Variants in AKAP6 observed in about 807,000 individuals in gnomAD.
The protein encoded by AKAP6 is A-kinase anchoring protein 6.
AKAP6 carries 58 observed loss-of-function variants against 188.5 expected under a neutral mutation model. The ratio of observed to expected loss-of-function variants is 0.31; its 90% CI spans 0.25 to 0.38. The LOEUF is 0.38. Ranked by LOEUF, AKAP6 falls within the 10% of genes least tolerant of loss-of-function variation. The pLI, the probability that AKAP6 is intolerant of heterozygous loss-of-function variation, is 1.00. For synonymous variants in AKAP6, 989 were observed against 998.6 expected, an observed-to-expected ratio of 0.99 and a Z score of 0.18; for missense variants, 2,710 against 2,740.0, an observed-to-expected ratio of 0.99 and a Z score of 0.24.
chr14:32,594,897 T>G (rs747677910), intron 5 of AKAP6, among the ~76,000 whole-genome samples: 85 of 152,220 alleles, frequency 5.6e-4, no homozygotes, highest in Non-Finnish European at 1.1e-3. Context: ...CAGTTCAATA[T>G]GTCTTTCACA....
chr14:32,423,526 C>G (rs117525644), intron 1 of AKAP6, among the ~76,000 whole-genome samples: 2,936 of 152,182 alleles, frequency 0.019, 38 homozygotes, highest in East Asian at 0.084. Flanking sequence ...TTATTAACAC[C>G]TGGTAAATGC....
intron 4 of AKAP6, among the ~76,000 whole-genome samples, chr14:32,552,289 G>T (rs961896800): frequency 1.3e-5 from 2 of 152,150 alleles, no homozygotes; most frequent in African/African-American, 4.8e-5. Context: ...ATAAAGACTT[G>T]GGAATAGATG....
At chr14:32,624,168 T>A (rs952050325) in intron 7 of AKAP6, among the ~76,000 whole-genome samples, 1 of 152,116 alleles carries the variant, frequency 6.6e-6, no homozygotes, top group Non-Finnish European at 1.5e-5. Flanking sequence ...AGTCTTTGGA[T>A]TTTTGAGTCA....
intron 9 of AKAP6, among the ~76,000 whole-genome samples, chr14:32,729,292 A>C (rs1280028647): frequency 2.0e-5 from 3 of 151,684 alleles, no homozygotes; most frequent in Non-Finnish European, 4.4e-5. Context: ...AAGGAGGGGG[A>C]CTTCGGTGTG....
At chr14:32,522,762 C>T (rs34118557) in intron 2 of AKAP6, among the ~76,000 whole-genome samples, 3,352 of 152,212 alleles carry the variant, frequency 0.022, 67 homozygotes, top group Admixed American at 0.044. Context: ...CTAGTTCAAC[C>T]GTTGTGGAAG....
intron 7 of AKAP6, among the ~76,000 whole-genome samples, chr14:32,654,989 C>T (rs1888397093): frequency 6.6e-6 from 1 of 152,086 alleles, no homozygotes; most frequent in Non-Finnish European, 1.5e-5. Context: ...GTTTATTACA[C>T]AATTTTTGGG....
intron 7 of AKAP6, among the ~76,000 whole-genome samples, chr14:32,624,207 G>A (rs1886924013): frequency 6.6e-6 from 1 of 152,156 alleles, no homozygotes; most frequent in Non-Finnish European, 1.5e-5. Flanking sequence ...GAGAGTATTA[G>A]AAGATACTTG....
At chr14:32,724,349 C>T (rs2030731549) in intron 9 of AKAP6, among the ~76,000 whole-genome samples, 1 of 152,188 alleles carries the variant, frequency 6.6e-6, no homozygotes, top group South Asian at 2.1e-4. Context: ...TTCAGTAAAA[C>T]TCTCCGTGCT....
chr14:32,493,422 G>A (rs1276259178), intron 2 of AKAP6, among the ~76,000 whole-genome samples: 3 of 151,878 alleles, frequency 2.0e-5, no homozygotes, highest in African/African-American at 7.3e-5. Context: ...TATTGCTTAG[G>A]GTGGTTTTGT....
intron 8 of AKAP6, among the ~76,000 whole-genome samples, chr14:32,685,724 CAAAAAAAAAA>C (rs71115091): frequency 7.0e-5 from 6 of 86,234 alleles, no homozygotes; most frequent in Non-Finnish European, 4.7e-5. Flanking sequence ...GACTCCATCT[CAAAAAAAAAA>C]AAAAAAAAAA....
intron 2 of AKAP6, among the ~76,000 whole-genome samples, chr14:32,505,422 C>T (rs1412526569): frequency 6.6e-6 from 1 of 150,378 alleles, no homozygotes; most frequent in African/African-American, 2.4e-5. Flanking sequence ...AAGAGGATGA[C>T]AAAAAAAACT....
chr14:32,560,731 T>G (rs1883921048), intron 4 of AKAP6, among the ~76,000 whole-genome samples: 1 of 152,214 alleles, frequency 6.6e-6, no homozygotes, highest in African/African-American at 2.4e-5. Flanking sequence ...TTTTTTAGCG[T>G]TGCATTTTTA....
At chr14:32,790,598 CTTAA>C (rs1008706270) in intron 12 of AKAP6, among the ~76,000 whole-genome samples, 2 of 152,064 alleles carry the variant, frequency 1.3e-5, no homozygotes, top group African/African-American at 2.4e-5. Context: ...ATTTTCTTTT[CTTAA>C]TTAATTTATT....
At chr14:32,367,502 A>G (rs1255441011) in intron 1 of AKAP6, among the ~76,000 whole-genome samples, 1 of 152,008 alleles carries the variant, frequency 6.6e-6, no homozygotes, top group Admixed American at 6.6e-5. Context: ...AAGTGAATAG[A>G]TTTTTCTTTT....
At chr14:32,774,477 T>C (rs920061351) in intron 12 of AKAP6, among the ~76,000 whole-genome samples, 2 of 152,184 alleles carry the variant, frequency 1.3e-5, no homozygotes, top group African/African-American at 4.8e-5. Context: ...CTCTTAGAGT[T>C]TTAATGCAGT....
chr14:32,810,788 C>T (rs1245740538), intron 12 of AKAP6, among the ~76,000 whole-genome samples: 1 of 151,964 alleles, frequency 6.6e-6, no homozygotes, highest in Non-Finnish European at 1.5e-5. Context: ...AGCACAGATA[C>T]GTTAAATGAA....
At chr14:32,382,754 C>T (rs893963267) in intron 1 of AKAP6, among the ~76,000 whole-genome samples, 2 of 151,950 alleles carry the variant, frequency 1.3e-5, no homozygotes, top group African/African-American at 2.4e-5. Flanking sequence ...GAAGTGTATA[C>T]CAGCTTTGTT....
intron 2 of AKAP6, among the ~76,000 whole-genome samples, chr14:32,476,305 G>A (rs1302360732): frequency 6.6e-6 from 1 of 152,134 alleles, no homozygotes; most frequent in East Asian, 1.9e-4. Flanking sequence ...TAGAAGGCTA[G>A]GCAAGGAGGA....
chr14:32,636,156 C>A (rs1362592794), intron 7 of AKAP6, among the ~76,000 whole-genome samples: 1 of 152,030 alleles, frequency 6.6e-6, no homozygotes, highest in Admixed American at 6.6e-5. Flanking sequence ...TTAAAAATAA[C>A]AGATTTTGAA....
Sources: allele counts gnomAD v4.1 joint callset (sites outside exome capture counted in the v4.1 genomes callset), GRCh38; gene constraint gnomAD v4.1.1; transcripts MANE v1.5; gene names NCBI Gene and HGNC (gene_info 2026-07-23, HGNC 2026-07-21).